The following MACROD2 variants were observed in gnomAD, a reference collection of about 807,000 sequenced individuals.
MACROD2 encodes the protein ADP-ribose glycohydrolase MACROD2.
MACROD2 carries 36 observed loss-of-function variants against 70.4 expected under a neutral mutation model. That is an observed-to-expected ratio of 0.51 (90% CI 0.39 to 0.68). MACROD2 has a LOEUF of 0.68. Ranked by LOEUF, MACROD2 falls within the 30% of genes least tolerant of loss-of-function variation. The pLI is 0.00. For missense variants in MACROD2, 496 were observed against 538.4 expected, an observed-to-expected ratio of 0.92 and a Z score of 0.78; for synonymous variants, 172 against 178.8, an observed-to-expected ratio of 0.96 and a Z score of 0.30.
At chr20:14,163,737 A>G (rs1029133305) in intron 3 of MACROD2, among the ~76,000 whole-genome samples, 16 of 151,206 alleles carry the variant, frequency 1.1e-4, no homozygotes, top group Non-Finnish European at 2.2e-4. Flanking sequence ...TTAGTTTACT[A>G]TTGAAGCTTT....
Position 15,112,307 on chromosome 20 carries a change from T to G in MACROD2, c.419-117633T>G, listed in dbSNP as rs1485524444. On this transcript the variant is annotated intron_variant, in intron 5 of 17. Coordinates refer to ENST00000684519, the MANE Select transcript of MACROD2 (RefSeq NM_001351661.2). The stretch of plus-strand genomic sequence containing the variant: ...TTGAGGGACTTTAAAATTAGGCCAC[T>G]GGATAGACCTATTAGCCTTTAAAGA... Among the ~76,000 whole-genome samples the G allele has an allele frequency of 2.0e-5, 3 of 152,200 alleles. No individual in the cohort carries two copies. In the East Asian group the frequency reaches 5.8e-4, roughly 29 times the overall value.
intron 9 of MACROD2, among the ~76,000 whole-genome samples, chr20:15,882,773 C>T (rs943462870): frequency 2.0e-5 from 3 of 152,006 alleles, no homozygotes; most frequent in African/African-American, 7.2e-5. Flanking sequence ...TAAATCAGTG[C>T]GTGAATGAAG....
intron 6 of MACROD2, among the ~76,000 whole-genome samples, chr20:15,280,303 A>G (rs2077431766): frequency 6.6e-6 from 1 of 152,090 alleles, no homozygotes; most frequent in African/African-American, 2.4e-5. Flanking sequence ...AAAGAAAACA[A>G]GGATGCAAAC....
At chr20:15,746,582 AGAAAC>A (rs1220710400) in intron 8 of MACROD2, among the ~76,000 whole-genome samples, 2 of 150,350 alleles carry the variant, frequency 1.3e-5, no homozygotes, top group South Asian at 2.1e-4. Flanking sequence ...AAAAAAAAAA[AGAAAC>A]GGTGAAACTT....
chr20:15,503,746 G>A (rs1356322582), intron 8 of MACROD2, among the ~76,000 whole-genome samples: 1 of 152,092 alleles, frequency 6.6e-6, no homozygotes, highest in Non-Finnish European at 1.5e-5. Context: ...GACTGTGTCT[G>A]TCCATTCATG....
At chr20:14,214,604 A>G (rs71330294) in intron 3 of MACROD2, among the ~76,000 whole-genome samples, 4 of 8,044 alleles carry the variant, frequency 5.0e-4, no homozygotes, top group Admixed American at 1.8e-3. Flanking sequence ...TTTTTTTTTA[A>G]GGTTTTTTTT....
intron 5 of MACROD2, chr20:14,758,069 T>C (rs2071965909): frequency 3.5e-6 from 2 of 568,394 alleles, no homozygotes; most frequent in Non-Finnish European, 6.3e-6. Context: ...TTGGAGAGGG[T>C]TATTTTGCAT....
Position 15,960,725 on chromosome 20 carries a change from A to G in MACROD2, c.908-6828A>G, listed in dbSNP as rs535481425. Among the ~76,000 whole-genome samples the G allele has an allele frequency of 2.6e-5, 4 of 152,272 alleles. No individual in the cohort carries two copies. In the South Asian group the frequency reaches 8.3e-4, roughly 32 times the overall value. The stretch of plus-strand genomic sequence containing the variant: ...GGAAGCTGGGGTATTTATCTCCCAA[A>G]TCCTTGGGGGTCCAGAGCTGGGCAT... On this transcript the variant is annotated intron_variant, in intron 12 of 17. Transcript: ENST00000684519.
At chr20:14,653,564 C>T (rs986058572) in intron 4 of MACROD2, among the ~76,000 whole-genome samples, 3 of 151,104 alleles carry the variant, frequency 2.0e-5, no homozygotes, top group African/African-American at 7.3e-5. Flanking sequence ...TTATGTTGCC[C>T]AGGCTGGTTT....
chr20:15,530,816 C>T (rs1323149388), intron 8 of MACROD2, among the ~76,000 whole-genome samples: 2 of 151,504 alleles, frequency 1.3e-5, no homozygotes, highest in African/African-American at 4.8e-5. Flanking sequence ...GTGGAAGTTC[C>T]AATTAATATA....
At chr20:15,044,007 C>T (rs1039505790) in intron 5 of MACROD2, among the ~76,000 whole-genome samples, 1 of 152,152 alleles carries the variant, frequency 6.6e-6, no homozygotes, top group African/African-American at 2.4e-5. Context: ...CTCTGCACTC[C>T]ATTGTGTAGG....
At chr20:14,736,927 A>C (rs2071672467) in intron 5 of MACROD2, among the ~76,000 whole-genome samples, 1 of 152,170 alleles carries the variant, frequency 6.6e-6, no homozygotes, top group Admixed American at 6.6e-5. Context: ...ATTATACAAC[A>C]GAATCTGTAT....
At chr20:14,494,687 GTAAC>G (rs1165894359) in intron 4 of MACROD2, among the ~76,000 whole-genome samples, 1 of 152,126 alleles carries the variant, frequency 6.6e-6, no homozygotes, top group African/African-American at 2.4e-5. Flanking sequence ...TATTTGCCAA[GTAAC>G]TAAGTAATAG....
At chr20:15,835,834 T>C (rs1444782508) in intron 8 of MACROD2, among the ~76,000 whole-genome samples, 1 of 152,200 alleles carries the variant, frequency 6.6e-6, no homozygotes, top group Non-Finnish European at 1.5e-5. Flanking sequence ...ATCTACACAA[T>C]TGGTACAGCA....
At chr20:15,242,022 T>C (rs2077064455) in intron 6 of MACROD2, among the ~76,000 whole-genome samples, 1 of 152,146 alleles carries the variant, frequency 6.6e-6, no homozygotes, top group African/African-American at 2.4e-5. Context: ...ACTGACTTTG[T>C]AGTGGAGAAA....
intron 5 of MACROD2, among the ~76,000 whole-genome samples, chr20:14,731,826 G>A (rs2071601741): frequency 1.3e-5 from 2 of 152,054 alleles, no homozygotes; most frequent in Non-Finnish European, 2.9e-5. Flanking sequence ...AAGCAGATAC[G>A]AGAATCCAGT....
intron 5 of MACROD2, among the ~76,000 whole-genome samples, chr20:14,756,299 T>C (rs1174823844): frequency 6.6e-6 from 1 of 152,132 alleles, no homozygotes; most frequent in African/African-American, 2.4e-5. Flanking sequence ...AGCTTAATCA[T>C]GTCCCCTCCT....
At chr20:14,305,829 G>T (rs1568547009) in intron 3 of MACROD2, among the ~76,000 whole-genome samples, 2 of 151,974 alleles carry the variant, frequency 1.3e-5, no homozygotes, top group South Asian at 2.1e-4. Flanking sequence ...TTGGGGGAAA[G>T]ATTTTGTTAC....
intron 3 of MACROD2, among the ~76,000 whole-genome samples, chr20:14,227,346 A>G (rs989517179): frequency 3.9e-5 from 6 of 152,144 alleles, no homozygotes; most frequent in Non-Finnish European, 7.3e-5. Flanking sequence ...GCTCTTTGCA[A>G]TAAATCTTGG....
Sources: allele counts gnomAD v4.1 joint callset (sites outside exome capture counted in the v4.1 genomes callset), GRCh38; gene constraint gnomAD v4.1.1; transcripts MANE v1.5; gene names NCBI Gene and HGNC (gene_info 2026-07-23, HGNC 2026-07-21).